Variants in EYS observed in about 807,000 individuals in gnomAD.
The protein encoded by EYS is EGF-like photoreceptor maintenance factor, also known as protein eyes shut homolog.
EYS carries 250 observed loss-of-function variants against 282.1 expected under a neutral mutation model. The ratio of observed to expected loss-of-function variants is 0.89; its 90% CI spans 0.80 to 0.98. EYS has a LOEUF of 0.98. Ranked by LOEUF, EYS falls within the 50% of genes least tolerant of loss-of-function variation. EYS has a pLI of 0.00. For synonymous variants in EYS, 1,355 were observed against 1,282.9 expected, an observed-to-expected ratio of 1.06 and a Z score of -1.20; for missense variants, 4,016 against 3,709.0, an observed-to-expected ratio of 1.08 and a Z score of -2.15.
intron 1 of EYS, among the ~76,000 whole-genome samples, chr6:65,656,403 G>A (rs535593484): frequency 1.1e-4 from 16 of 151,960 alleles, no homozygotes; most frequent in South Asian, 4.1e-4. Flanking sequence ...AATGCAAAGC[G>A]GAAGTTCGTG....
intron 14 of EYS, among the ~76,000 whole-genome samples, chr6:64,964,122 C>T (rs1255581574): frequency 6.6e-6 from 1 of 151,908 alleles, no homozygotes; most frequent in Non-Finnish European, 1.5e-5. Flanking sequence ...TAAACACACA[C>T]TTCTCACACT....
chr6:65,369,839 G>A (rs1765069321), intron 8 of EYS, among the ~76,000 whole-genome samples: 2 of 151,638 alleles, frequency 1.3e-5, no homozygotes, highest in South Asian at 2.1e-4. Context: ...ATCACACTTG[G>A]TTCCTTCAGG....
intron 22 of EYS, among the ~76,000 whole-genome samples, chr6:64,643,213 T>C (rs1047102040): frequency 2.0e-5 from 3 of 151,770 alleles, no homozygotes; most frequent in African/African-American, 7.2e-5. Context: ...AGAGAAGACA[T>C]GTGCTTTTAT....
chr6:64,932,461 A>AACT (rs1441711905), intron 15 of EYS, among the ~76,000 whole-genome samples: 3 of 152,106 alleles, frequency 2.0e-5, no homozygotes, highest in Non-Finnish European at 4.4e-5. Flanking sequence ...CAATAATTCC[A>AACT]GTTGAGGGCA....
chr6:65,079,698 T>C (rs1186718895), intron 12 of EYS, among the ~76,000 whole-genome samples: 1 of 152,032 alleles, frequency 6.6e-6, no homozygotes, highest in Non-Finnish European at 1.5e-5. Flanking sequence ...TGAGAAAAAA[T>C]CAAAATCTGC....
rs554479887 is a variant in EYS, at chr6:64,444,161, G to T, written c.5645-4809C>A. On this transcript the variant is annotated intron_variant, in intron 26 of 42. Coordinates refer to ENST00000503581, the MANE Select transcript of EYS (RefSeq NM_001142800.2). ...CATTAGGCATCCACCTTATAGTTCT[G>T]ATTTGCCTCTTTCTGACTTCTTTTT... Among the ~76,000 whole-genome samples, 133 of 152,098 alleles carry T rather than the reference G, an allele frequency of 8.7e-4. 1 individual carries two copies. The highest frequency in any genetic ancestry group is 9.1e-4 in the Non-Finnish European group (62 of 68,018).
intron 33 of EYS, among the ~76,000 whole-genome samples, chr6:64,060,440 G>C (rs1030345241): frequency 1.8e-4 from 27 of 152,220 alleles, no homozygotes; most frequent in Admixed American, 1.5e-3. Context: ...AGGTGTCTGA[G>C]AGCCTTTAAC....
intron 33 of EYS, among the ~76,000 whole-genome samples, chr6:64,028,618 A>C (rs149900188): frequency 6.6e-6 from 1 of 152,076 alleles, no homozygotes; most frequent in African/African-American, 2.4e-5. Flanking sequence ...GCTTTTGAGG[A>C]TCCCACAGAC....
At chr6:65,089,266 GCAAA>G (rs1774480255) in intron 12 of EYS, among the ~76,000 whole-genome samples, 2 of 152,112 alleles carry the variant, frequency 1.3e-5, no homozygotes, top group Non-Finnish European at 2.9e-5. Flanking sequence ...TGAAAAAGCT[GCAAA>G]CACTCAACAT....
chr6:64,353,210 G>A (rs954689060), intron 29 of EYS, among the ~76,000 whole-genome samples: 4 of 151,328 alleles, frequency 2.6e-5, no homozygotes, highest in African/African-American at 9.7e-5. Context: ...TTATATTGGT[G>A]GTATTCAGAA....
At chr6:64,681,850 C>T (rs977766034) in intron 22 of EYS, among the ~76,000 whole-genome samples, 44 of 152,266 alleles carry the variant, frequency 2.9e-4, no homozygotes, top group African/African-American at 9.1e-4. Context: ...AGAACAAAGG[C>T]AGTTAATCAT....
Position 64,296,573 on chromosome 6 carries a change from TATATATATATACATATATA to T in EYS, c.6191+10378_6191+10396del, listed in dbSNP as rs1561913684. Among the ~76,000 whole-genome samples, 44 of 7,916 alleles carry T rather than the reference TATATATATATACATATATA, an allele frequency of 5.6e-3. 1 individual carries two copies. The highest frequency in any genetic ancestry group is 0.018 in the African/African-American group (40 of 2,176). 5.2% of individuals were successfully genotyped at this position (7,916 alleles called of 152,430 possible). The stretch of plus-strand genomic sequence containing the variant: ...ATATATATATATATATATATATATA[TATATATATATACATATATA>T]TATATATTTTTTTTTTTTTTTTTTT... On this transcript the variant is annotated intron_variant, in intron 30 of 42. Transcript: ENST00000503581.
chr6:64,951,688 A>C (rs1193734219), intron 14 of EYS, among the ~76,000 whole-genome samples: 3 of 151,854 alleles, frequency 2.0e-5, no homozygotes, highest in African/African-American at 7.2e-5. Context: ...TTTGAAAATT[A>C]TAACCTGAAA....
intron 14 of EYS, among the ~76,000 whole-genome samples, chr6:64,995,886 T>C (rs1218537585): frequency 1.3e-5 from 2 of 152,138 alleles, no homozygotes; most frequent in Non-Finnish European, 2.9e-5. Flanking sequence ...GATGTAAAGT[T>C]GTACTCCTTG....
At chr6:64,945,699 A>C in intron 15 of EYS, 94 bp downstream of exon 15, 1 of 1,113,638 alleles carries the variant, frequency 9.0e-7, no homozygotes, top group Non-Finnish European at 1.2e-6. Context: ...TTTTAATTAA[A>C]TGTATCTAAA....
chr6:64,355,851 G>A (rs182898128), intron 29 of EYS, among the ~76,000 whole-genome samples: 16 of 151,814 alleles, frequency 1.1e-4, no homozygotes, highest in Non-Finnish European at 2.4e-4. Flanking sequence ...AGGTCCACAA[G>A]AGATGAGCTT....
At chr6:64,163,075 G>A (rs1271617757) in intron 31 of EYS, among the ~76,000 whole-genome samples, 6 of 152,010 alleles carry the variant, frequency 3.9e-5, no homozygotes, top group African/African-American at 1.4e-4. Context: ...ATATTGTTTT[G>A]TGTCTCACAC....
intron 22 of EYS, among the ~76,000 whole-genome samples, chr6:64,695,113 A>G (rs1770529473): frequency 6.6e-6 from 1 of 151,990 alleles, no homozygotes; most frequent in Non-Finnish European, 1.5e-5. Flanking sequence ...ACTTGTCCCC[A>G]CTATTGGCCA....
At chr6:64,658,870 G>A (rs991939772) in intron 22 of EYS, among the ~76,000 whole-genome samples, 4 of 152,194 alleles carry the variant, frequency 2.6e-5, no homozygotes, top group African/African-American at 9.7e-5. Context: ...ATTGAACTCA[G>A]CTCTGCACCA....
Sources: allele counts gnomAD v4.1 joint callset (sites outside exome capture counted in the v4.1 genomes callset), GRCh38; gene constraint gnomAD v4.1.1; transcripts MANE v1.5; gene names NCBI Gene and HGNC (gene_info 2026-07-23, HGNC 2026-07-21).